NEBL: variants seen among roughly 807,000 people sequenced by gnomAD.
NEBL encodes the protein LIM and SH3 protein 2.
NEBL carries 122 observed loss-of-function variants against 140.2 expected under a neutral mutation model. That is an observed-to-expected ratio of 0.87 (90% CI 0.75 to 1.01). NEBL has a LOEUF of 1.01. NEBL is among the 50% of genes least tolerant of loss of function. The probability of loss-of-function intolerance (pLI) is 0.00; values close to 1 mark genes in which losing one functional copy is unlikely to be tolerated. For synonymous variants in NEBL, 436 were observed against 398.9 expected, an observed-to-expected ratio of 1.09 and a Z score of -1.11; for missense variants, 1,365 against 1,231.3, an observed-to-expected ratio of 1.11 and a Z score of -1.62.
chr10:20,901,806 A>C (rs1433757853), upstream of NEBL, among the ~76,000 whole-genome samples: 1 of 152,208 alleles, frequency 6.6e-6, no homozygotes, highest in African/African-American at 2.4e-5. Context: ...ATCCCTAGTC[A>C]TTCCATCTTT....
chr10:21,090,079 A>G (rs1219157151), intron 2 of NEBL, among the ~76,000 whole-genome samples: 1 of 152,190 alleles, frequency 6.6e-6, no homozygotes, highest in Non-Finnish European at 1.5e-5. Flanking sequence ...AACATGGCCA[A>G]AGGCATCTTC....
At chr10:21,188,373 G>C (rs1055827985) in intron 3 of NEBL, among the ~76,000 whole-genome samples, 4 of 152,092 alleles carry the variant, frequency 2.6e-5, no homozygotes, top group Non-Finnish European at 4.4e-5. Context: ...GAAAATCCAA[G>C]TACCTCAGCA....
intron 2 of NEBL, among the ~76,000 whole-genome samples, chr10:21,139,164 C>T (rs1174432271): frequency 1.3e-5 from 2 of 151,982 alleles, no homozygotes; most frequent in Non-Finnish European, 2.9e-5. Flanking sequence ...AATCAAGTTA[C>T]ATAGCACTAG....
Position 20,819,449 on chromosome 10 carries a change from C to T in NEBL, c.2030G>A (p.Arg677Lys), listed in dbSNP as rs1469192681. 2 of 1,613,914 alleles carry T rather than the reference C, an allele frequency of 1.2e-6. No homozygotes were observed. Among genetic ancestry groups the T allele is most frequent in the Non-Finnish European group, 1.7e-6 (2 of 1,179,980 alleles). The change falls in exon 20 of 28, where the codon AGG becomes AAG. Residue 677 changes from arginine to lysine, a missense_variant. Physicochemically the swap from Arg to Lys is conservative, Grantham distance 26. Coordinates refer to ENST00000377122, the MANE Select transcript of NEBL (RefSeq NM_006393.3). ...VSMTPEIERV[R>K]RNQEQLSAVK... is the part of the protein sequence containing the mutation. ...CGCACTCAGCTGCTCCTGGTTTCGC[C>T]TCACTCTCTCTATCTCCGGGGTCAT...
At chr10:20,788,092 C>T (rs1466138929) in intron 26 of NEBL, among the ~76,000 whole-genome samples, 1 of 152,124 alleles carries the variant, frequency 6.6e-6, no homozygotes, top group East Asian at 1.9e-4. Flanking sequence ...TTGAAGAACT[C>T]GGAATTCTAG....
chr10:20,806,347 G>A (rs181840241), intron 26 of NEBL, among the ~76,000 whole-genome samples: 5 of 152,162 alleles, frequency 3.3e-5, no homozygotes, highest in East Asian at 1.9e-4. Flanking sequence ...CCTCGGGTGC[G>A]GCCTCCTCTT....
At position 20,869,569 on chromosome 10, in the gene NEBL, C is replaced by A. The variant is rs11012367; in HGVS notation, c.582+171G>T. On this transcript the variant is annotated intron_variant, in intron 6 of 27. Transcript: ENST00000377122. ...TGAGTTTGGGCTGTTTCTGCATATA[C>A]CCAAATAATTAACATAATAAAATAG... Among the ~76,000 whole-genome samples the A allele has an allele frequency of 0.014, 2,097 of 152,148 alleles. 38 individuals carry two copies. Among genetic ancestry groups the A allele is most frequent in the African/African-American group, 0.048 (1,983 of 41,506 alleles).
chr10:21,028,279 GAGA>G (rs1564485512), intron 2 of NEBL, among the ~76,000 whole-genome samples: 2 of 75,124 alleles, frequency 2.7e-5, no homozygotes, highest in East Asian at 5.3e-4. Context: ...GAAGAAGAAT[GAGA>G]AATAAAACAT....
intron 2 of NEBL, chr10:21,020,281 T>TC: frequency 2.5e-6 from 3 of 1,202,974 alleles, no homozygotes; most frequent in Non-Finnish European, 3.7e-6. Context: ...GTTTTGCACA[T>TC]CCCCCCTTTT....
intron 2 of NEBL, among the ~76,000 whole-genome samples, chr10:21,160,423 C>T (rs1840510345): frequency 6.6e-6 from 1 of 152,078 alleles, no homozygotes. Context: ...AGAGGCAAAC[C>T]CTCTAAACAG....
intron 2 of NEBL, among the ~76,000 whole-genome samples, chr10:21,124,164 C>T (rs911988210): frequency 6.6e-6 from 1 of 152,050 alleles, no homozygotes; most frequent in African/African-American, 2.4e-5. Flanking sequence ...GTACTCATAA[C>T]CCAATCCTTC....
chr10:20,912,881 CT>C (rs397847147), intron 4 of NEBL, among the ~76,000 whole-genome samples: 2,170 of 117,810 alleles, frequency 0.018, 15 homozygotes, highest in Non-Finnish European at 0.027. Flanking sequence ...TATGCCAATT[CT>C]TTTTTTTTTT....
intron 7 of NEBL, 42 bp downstream of exon 7, chr10:20,868,622 T>C: frequency 7.6e-7 from 1 of 1,313,032 alleles, no homozygotes; most frequent in Non-Finnish European, 1.1e-6. Flanking sequence ...AGAAACAAAA[T>C]ATCTGAATAA....
At position 20,852,531 on chromosome 10, in the gene NEBL, G is replaced by C. The variant is rs369037243; in HGVS notation, c.1008+14C>G. 1.9e-6 allele frequency: 3 copies of C among 1,591,724 alleles called. No individual in the cohort carries two copies. The highest frequency in any genetic ancestry group is 1.7e-4 in the Middle Eastern group (1 of 5,926). On this transcript the variant is annotated intron_variant, in intron 10 of 27. Coordinates refer to ENST00000377122, the MANE Select transcript of NEBL (RefSeq NM_006393.3). ...CTGGCAGGGAGGGTAGGTACCGTAC[G>C]GGCAAGTGTGTACCTGACTTTGGAG... is the stretch of plus-strand genomic sequence containing the variant.
intron 26 of NEBL, among the ~76,000 whole-genome samples, chr10:20,787,517 T>C (rs1171754358): frequency 1.3e-5 from 2 of 152,188 alleles, no homozygotes; most frequent in African/African-American, 2.4e-5. Flanking sequence ...AAACTCAGCT[T>C]AGCATGCAGT....
At chr10:21,164,206 T>C (rs1337601687) in intron 2 of NEBL, among the ~76,000 whole-genome samples, 1 of 152,238 alleles carries the variant, frequency 6.6e-6, no homozygotes, top group Non-Finnish European at 1.5e-5. Flanking sequence ...CAAGGTCTCC[T>C]AAGGCTAAAA....
intron 4 of NEBL, among the ~76,000 whole-genome samples, chr10:20,920,950 T>C (rs1833553194): frequency 6.6e-6 from 1 of 152,240 alleles, no homozygotes; most frequent in Non-Finnish European, 1.5e-5. Flanking sequence ...TTGCTATTCA[T>C]ATTTTGAAAA....
At chr10:21,181,307 C>T (rs772262714) in intron 3 of NEBL, among the ~76,000 whole-genome samples, 74 of 150,224 alleles carry the variant, frequency 4.9e-4, no homozygotes, top group Non-Finnish European at 6.9e-4. Context: ...CCACGTTCTG[C>T]GCACGTATCC....
At chr10:20,918,035 A>T (rs953196789) in intron 4 of NEBL, among the ~76,000 whole-genome samples, 1 of 152,216 alleles carries the variant, frequency 6.6e-6, no homozygotes, top group Non-Finnish European at 1.5e-5. Flanking sequence ...GCTGAAATAC[A>T]GTTTTTGGAG....
Sources: allele counts gnomAD v4.1 joint callset (sites outside exome capture counted in the v4.1 genomes callset), GRCh38; gene constraint gnomAD v4.1.1; transcripts MANE v1.5; gene names NCBI Gene and HGNC (gene_info 2026-07-23, HGNC 2026-07-21).